Variants in GCN1 observed in about 807,000 individuals in gnomAD.
The protein encoded by GCN1 is stalled ribosome sensor GCN1.
Under a neutral mutation model 288.4 loss-of-function variants are expected in GCN1, and 90 were observed. The ratio of observed to expected loss-of-function variants is 0.31; its 90% CI spans 0.26 to 0.37. The LOEUF is 0.37. Ranked by LOEUF, GCN1 falls within the 10% of genes least tolerant of loss-of-function variation. The pLI is 1.00. For missense variants in GCN1, 2,586 were observed against 3,419.9 expected (o/e 0.76, Z 6.08); for synonymous variants, 1,386 against 1,420.2 (o/e 0.98, Z 0.54).
Position 120,155,219 on chromosome 12 carries a change from C to G in GCN1, c.3630+22G>C, listed in dbSNP as rs747709520. 1 of 1,611,854 alleles carries G rather than the reference C, an allele frequency of 6.2e-7. No homozygotes were observed. The highest frequency in any genetic ancestry group is 2.2e-5 in the East Asian group (1 of 44,858). Reference sequence around the variant, plus strand: ...CCAACCGCACACACCCAGACTGCATCAGGGCTGCACAGGTCACTCACGTAG... The same window carrying G: ...CCAACCGCACACACCCAGACTGCATGAGGGCTGCACAGGTCACTCACGTAG... On this transcript the variant is annotated intron_variant, in intron 30 of 57. Transcript: ENST00000300648. The surrounding 1 kb of genome is among the most constrained non-coding windows in gnomAD (Gnocchi z 4.9).
chr12:120,159,030 C>G (rs916395381), intron 24 of GCN1, among the ~76,000 whole-genome samples: 1 of 150,882 alleles, frequency 6.6e-6, no homozygotes, highest in Non-Finnish European at 1.5e-5. Context: ...AAAAAAAAAT[C>G]TTTCTGCTTC....
chr12:120,133,233 T>G (rs937552182), intron 53 of GCN1, among the ~76,000 whole-genome samples: 2 of 152,010 alleles, frequency 1.3e-5, no homozygotes, highest in African/African-American at 4.8e-5. Context: ...CAATGACGTG[T>G]AAAACCATGT....
chr12:120,177,793 A>G, intron 7 of GCN1, 41 bp from the exon 8 acceptor site: 1 of 1,420,924 alleles, frequency 7.0e-7, no homozygotes, highest in Non-Finnish European at 1.0e-6. Context: ...GACATTCTCA[A>G]GTATCTCATC....
At chr12:120,141,464 T>C (rs556608043) in intron 44 of GCN1, among the ~76,000 whole-genome samples, 1 of 152,298 alleles carries the variant, frequency 6.6e-6, no homozygotes, top group South Asian at 2.1e-4. Context: ...TTGCCAAGGA[T>C]GGGGGGTTGG....
rs559934573 is a variant in GCN1, at chr12:120,136,381, T to G, written c.7008+121A>C. On this transcript the variant is annotated intron_variant, in intron 51 of 57. Coordinates refer to ENST00000300648, the MANE Select transcript of GCN1 (RefSeq NM_006836.2). The stretch of plus-strand genomic sequence containing the variant: ...CATGTCTGAAGTCCAAGGTCTTACC[T>G]CCCTCTGCTATGCGGCTCTCCACAA... 10 of 727,698 alleles carry G rather than the reference T, an allele frequency of 1.4e-5. No homozygotes were observed. The African/African-American group carries it at 1.4e-4, about 10-fold the overall frequency. 45.1% of individuals were successfully genotyped at this position (727,698 alleles called of 1,614,324 possible).
intron 24 of GCN1, among the ~76,000 whole-genome samples, chr12:120,159,495 C>A (rs1324124965): frequency 6.6e-6 from 1 of 152,186 alleles, no homozygotes; most frequent in East Asian, 1.9e-4. Context: ...TTCAGGAGAT[C>A]TGGGCTGGGC....
In GCN1 at chr12:120,156,800, A is replaced by G; in HGVS notation, c.3168+112T>C. 2 of 956,178 alleles carry G rather than the reference A, an allele frequency of 2.1e-6. No individual in the cohort carries two copies. The highest frequency in any genetic ancestry group is 1.4e-5 in the South Asian group (1 of 72,402). The allele number at this position is 956,178 out of a possible 1,614,324, so 59.2% of individuals were successfully genotyped here. The stretch of plus-strand genomic sequence containing the variant: ...GGCTCTCTAAAGCAGTCTTTCTACC[A>G]AAGTCCAAAAGTAAGGGCTGAAAGG... On this transcript the variant is annotated intron_variant, in intron 27 of 57. Transcript: ENST00000300648. The surrounding 1 kb of genome is among the most constrained non-coding windows in gnomAD (Gnocchi z 5.8).
At position 120,147,144 on chromosome 12, in the gene GCN1, T is replaced by C. The variant is rs773458245; in HGVS notation, c.4855A>G (p.Ile1619Val). The change falls in exon 38 of 58, where the codon ATT (isoleucine) becomes GTT (valine). Residue 1619 changes from isoleucine to valine, a missense_variant. Around this residue, in one of 8 missense-constraint regions of GCN1, gnomAD observed 371 missense variants for 572.6 expected, o/e 0.65. Transcript: ENST00000300648. ...DAPSLALIMP[I>V]VQRAFQDRST... ...CGGTCCTGGAAGGCTCTCTGGACAA[T>C]GGGCATGATGAGGGCCAGGGATGGG... The C allele has an allele frequency of 6.2e-7, 1 of 1,612,814 alleles. No individual in the cohort carries two copies. The highest frequency in any genetic ancestry group is 8.5e-7 in the Non-Finnish European group (1 of 1,179,168).
chr12:120,183,585 T>A lies in GCN1; in HGVS notation c.410A>T (p.Asp137Val). 1.9e-6 allele frequency: 3 copies of A among 1,607,754 alleles called. No homozygotes were observed. Among genetic ancestry groups the A allele is most frequent in the Non-Finnish European group, 1.7e-6 (2 of 1,174,296 alleles). The change falls in exon 5 of 58, where the codon GAC (aspartate) becomes GTC (valine). Residue 137 changes from aspartate (D) to valine (V), a missense_variant. Coordinates refer to ENST00000300648, the MANE Select transcript of GCN1 (RefSeq NM_006836.2). ...VFPSRAKRQG[D>V]IWNKLVEVQC... ...GGAACCTACCAGTTTGTTCCAGATG[T>A]CTCCTTGTCGCTTGGCTCTCGATGG...
At chr12:120,136,440 G>T in intron 51 of GCN1, 62 bp downstream of exon 51, 2 of 1,265,410 alleles carry the variant, frequency 1.6e-6, no homozygotes, top group Non-Finnish European at 2.3e-6. Flanking sequence ...ATGACACCTT[G>T]TATCAGGCTC....
intron 57 of GCN1, 146 bp downstream of exon 57, chr12:120,129,130 C>A: frequency 1.4e-6 from 1 of 721,886 alleles, no homozygotes; most frequent in Non-Finnish European, 2.3e-6. Flanking sequence ...CGCCCGGCCC[C>A]AGTCACCCAA....
intron 57 of GCN1, among the ~76,000 whole-genome samples, chr12:120,128,374 C>T (rs1240892979): frequency 1.3e-5 from 2 of 150,022 alleles, no homozygotes; most frequent in Admixed American, 6.7e-5. Context: ...TCGTTCTTGT[C>T]GCCCATGCTG....
chr12:120,127,988 T>C lies in GCN1; in HGVS notation c.7891-14A>G, dbSNP rs781039973. ...CTTGGAGAGGGACTGTGGGGAAGGA[T>C]GAGCAGGAGGAAACATAGTCAGAAC... On this transcript the variant is annotated splice_polypyrimidine_tract_variant and intron_variant, in intron 57 of 57. Transcript: ENST00000300648. 1.7e-5 allele frequency: 27 copies of C among 1,613,570 alleles called. No homozygotes were observed. In the Admixed American group the frequency reaches 1.8e-4, roughly 11 times the overall value.
rs374928766 is a variant in GCN1, at chr12:120,155,408, C to G, written c.3463G>C (p.Asp1155His). 3.8e-5 allele frequency: 61 copies of G among 1,613,966 alleles called. No individual in the cohort carries two copies. In the African/African-American group the frequency reaches 5.3e-4, roughly 14 times the overall value. The change falls in exon 30 of 58, where the codon GAC becomes CAC. Residue 1155 changes from aspartate (D) to histidine (H), a missense_variant. Around this residue, in one of 8 missense-constraint regions of GCN1, gnomAD observed 332 missense variants for 403.0 expected, o/e 0.82. Transcript: ENST00000300648. This position sits in a 1 kb window ranked among gnomAD's most constrained non-coding sequence, Gnocchi z 4.9. ...AERLWSMMGL[D>H]LQPDLCSLLI... ...AAGGAGCAGAGGTCTGGCTGCAGGT[C>G]TAGGCCCATCATTGACCAGAGCCTG... is the stretch of plus-strand genomic sequence containing the variant.
At chr12:120,169,665 A>T (rs530388001) in intron 15 of GCN1, among the ~76,000 whole-genome samples, 71 of 152,166 alleles carry the variant, frequency 4.7e-4, no homozygotes, top group African/African-American at 1.7e-3. Flanking sequence ...CACCACACCC[A>T]GCTAATTTTT....
At position 120,175,217 on chromosome 12, in the gene GCN1, G is replaced by C; in HGVS notation, c.1043-5C>G. ...CAGTTAGTTTTCCTTCCGAGCCTGA[G>C]AAGAGAGACAGCAAAGATTCACATT... On this transcript the variant is annotated splice_polypyrimidine_tract_variant and splice_region_variant and intron_variant, in intron 11 of 57. Transcript: ENST00000300648. 1.2e-5 allele frequency: 19 copies of C among 1,610,770 alleles called. No homozygotes were observed. The highest frequency in any genetic ancestry group is 1.5e-5 in the Non-Finnish European group (18 of 1,178,010).
rs780139749 is a variant in GCN1 at position 120,153,763 on chromosome 12, G to T, written c.3848C>A (p.Thr1283Lys). Residue 1283 changes from threonine (T) to lysine (K), a missense_variant, in exon 32 of 58, where the codon ACG becomes AAG. Thr to Lys is a moderately conservative substitution (Grantham distance 78). Transcript: ENST00000300648. The surrounding 1 kb of genome is among the most constrained non-coding windows in gnomAD (Gnocchi z 4.4). ...CCTTACCTTCCCATGAGTGTTGAGC[G>T]TTGCGAGGGCTGCATCCAACATGCA... ...RKCMLDAALA[T>K]LNTHGKENVN... is the part of the protein sequence containing the mutation. 1 of 1,614,132 alleles carries T rather than the reference G, an allele frequency of 6.2e-7. No homozygotes were observed. Among genetic ancestry groups the T allele is most frequent in the Non-Finnish European group, 8.5e-7 (1 of 1,179,992 alleles).
At chr12:120,190,947 C>A (rs1193704095) in intron 1 of GCN1, among the ~76,000 whole-genome samples, 1 of 152,156 alleles carries the variant, frequency 6.6e-6, no homozygotes, top group Non-Finnish European at 1.5e-5. Flanking sequence ...GATTGGATCC[C>A]AGCTCTGCCT....
chr12:120,136,858 G>C (rs1407041246), intron 50 of GCN1, 126 bp from the exon 51 acceptor site: 2 of 694,778 alleles, frequency 2.9e-6, no homozygotes, highest in Non-Finnish European at 2.5e-6. Context: ...GATTTGGGCT[G>C]AATCTCAGGA....
Sources: allele counts gnomAD v4.1 joint callset (sites outside exome capture counted in the v4.1 genomes callset), GRCh38; gene constraint gnomAD v4.1.1; regional missense constraint gnomAD v4.1.1; non-coding constraint Gnocchi (gnomAD v3.1); transcripts MANE v1.5; gene names NCBI Gene and HGNC (gene_info 2026-07-23, HGNC 2026-07-21).